CWF19L2: variants seen among roughly 807,000 people sequenced by gnomAD.
CWF19L2 encodes the protein CWF19-like protein 2.
Under a neutral mutation model 111.7 loss-of-function variants are expected in CWF19L2, and 98 were observed. The ratio of observed to expected loss-of-function variants is 0.88; its 90% CI spans 0.75 to 1.04. The LOEUF (loss-of-function observed/expected upper bound fraction) is 1.04, where lower values mean the gene tolerates loss of function less well. Among genes scored for constraint, CWF19L2 ranks in the 50% least tolerant of loss-of-function variants. The pLI, the probability that CWF19L2 is intolerant of heterozygous loss-of-function variation, is 0.00. For synonymous variants in CWF19L2, 351 were observed against 342.9 expected, an observed-to-expected ratio of 1.02 and a Z score of -0.26; for missense variants, 1,101 against 1,051.4, an observed-to-expected ratio of 1.05 and a Z score of -0.65.
At chr11:107,413,243 T>C (rs74709137) in intron 10 of CWF19L2, among the ~76,000 whole-genome samples, 545 of 152,250 alleles carry the variant, frequency 3.6e-3, no homozygotes, top group African/African-American at 0.012. Flanking sequence ...GTATGGGAAA[T>C]GTGTGTACCT....
chr11:107,360,121 T>C (rs1860302363), intron 12 of CWF19L2, among the ~76,000 whole-genome samples: 3 of 152,198 alleles, frequency 2.0e-5, no homozygotes, highest in Non-Finnish European at 2.9e-5. Flanking sequence ...CACCCCCTTA[T>C]TCTTCTGAGT....
intron 12 of CWF19L2, among the ~76,000 whole-genome samples, chr11:107,373,414 C>G (rs1399707530): frequency 7.4e-6 from 1 of 135,842 alleles, no homozygotes. Flanking sequence ...CAGCACGCAG[C>G]TGAAGATCTG....
chr11:107,367,838 A>G (rs1860454371), intron 12 of CWF19L2, among the ~76,000 whole-genome samples: 1 of 137,294 alleles, frequency 7.3e-6, no homozygotes, highest in Non-Finnish European at 1.6e-5. Context: ...ACAAAAAAAA[A>G]AGAAATGCTA....
rs923064269 is a variant in CWF19L2, at chr11:107,373,474, A to C, written c.1872+16600T>G. On this transcript the variant is annotated intron_variant, in intron 12 of 17. Coordinates refer to ENST00000282251, the MANE Select transcript of CWF19L2 (RefSeq NM_152434.3). ...GTGGGTCCCTGACCCCTGACCCCCGAGCAGCCTAACTGGGAGGCACCCCCC... is the reference window on the plus strand; with the variant it reads ...GTGGGTCCCTGACCCCTGACCCCCGCGCAGCCTAACTGGGAGGCACCCCCC... Among the ~76,000 whole-genome samples, 7 of 119,014 alleles carry C rather than the reference A, an allele frequency of 5.9e-5. 3 individuals are homozygous for C. Among genetic ancestry groups the C allele is most frequent in the Non-Finnish European group, 1.3e-4 (7 of 54,606 alleles). The allele number at this position is 119,014 out of a possible 152,430, so 78.1% of individuals were successfully genotyped here.
chr11:107,455,917 T>C (rs1231177794), intron 1 of CWF19L2, 141 bp from the exon 2 acceptor site: 17 of 563,908 alleles, frequency 3.0e-5, no homozygotes, highest in Non-Finnish European at 6.3e-6. Context: ...AGGGATTTGC[T>C]TCTCCAGTGT....
chr11:107,382,504 T>A (rs1014428270), intron 12 of CWF19L2, among the ~76,000 whole-genome samples: 3 of 152,178 alleles, frequency 2.0e-5, no homozygotes, highest in Non-Finnish European at 4.4e-5. Context: ...CCTTTCCAAA[T>A]CTAAAATTCT....
chr11:107,385,916 T>C (rs752650166), intron 12 of CWF19L2, among the ~76,000 whole-genome samples: 1 of 152,240 alleles, frequency 6.6e-6, no homozygotes, highest in Non-Finnish European at 1.5e-5. Context: ...TACTTAATAA[T>C]AGCCTGAAAC....
intron 8 of CWF19L2, among the ~76,000 whole-genome samples, chr11:107,420,871 T>C (rs549566356): frequency 1.3e-5 from 2 of 151,984 alleles, no homozygotes; most frequent in East Asian, 1.9e-4. Context: ...AGCAAAACCA[T>C]GGATAAAGGG....
chr11:107,340,317 G>C (rs1207219913), intron 14 of CWF19L2, among the ~76,000 whole-genome samples: 1 of 152,112 alleles, frequency 6.6e-6, no homozygotes, highest in Non-Finnish European at 1.5e-5. Flanking sequence ...GGAGGGCTGT[G>C]TGCCGTTTTG....
At chr11:107,418,492 A>C (rs989742148) in intron 8 of CWF19L2, among the ~76,000 whole-genome samples, 4 of 152,200 alleles carry the variant, frequency 2.6e-5, no homozygotes, top group Non-Finnish European at 4.4e-5. Flanking sequence ...CACCTATGGC[A>C]GTTATAATAA....
chr11:107,457,722 A>T lies in CWF19L2; in HGVS notation c.95T>A (p.Val32Glu). ...KEQTRNARAE[V>E]LRQAKANFEK... The stretch of plus-strand genomic sequence containing the variant: ...CCAAAACAGAGGTACCTGGCGCAAC[A>T]CCTCGGCCCTGGCATTCCGGGTCTG... Residue 32 changes from valine to glutamate, a missense_variant, in exon 1 of 18, where the codon GTG becomes GAG. Coordinates refer to ENST00000282251, the MANE Select transcript of CWF19L2 (RefSeq NM_152434.3). The T allele has an allele frequency of 1.9e-6, 3 of 1,551,234 alleles. No homozygotes were observed. The highest frequency in any genetic ancestry group is 2.6e-6 in the Non-Finnish European group (3 of 1,146,664).
At chr11:107,452,809 A>G (rs1861795855) in intron 3 of CWF19L2, among the ~76,000 whole-genome samples, 1 of 152,100 alleles carries the variant, frequency 6.6e-6, no homozygotes, top group Non-Finnish European at 1.5e-5. Flanking sequence ...TCGACAATAT[A>G]GTAAGACTCC....
Position 107,370,847 on chromosome 11 carries a change from C to G in CWF19L2, c.1873-17111G>C, listed in dbSNP as rs903534453. ...AGAATCGGGAGCATTATAACTAATT[C>G]CTGTCATCTGTGTTTTGTAATATAG... On this transcript the variant is annotated intron_variant, in intron 12 of 17. Coordinates refer to ENST00000282251, the MANE Select transcript of CWF19L2 (RefSeq NM_152434.3). 2.2e-5 allele frequency among the ~76,000 whole-genome samples: 3 copies of G among 137,634 alleles called. 1 individual carries two copies. Among genetic ancestry groups the G allele is most frequent in the African/African-American group, 8.7e-5 (3 of 34,594 alleles). The allele number at this position is 137,634 out of a possible 152,430, so 90.3% of individuals were successfully genotyped here.
chr11:107,422,906 T>C (rs2135403252), intron 8 of CWF19L2, among the ~76,000 whole-genome samples: 1 of 152,116 alleles, frequency 6.6e-6, no homozygotes, highest in Admixed American at 6.6e-5. Flanking sequence ...TCCCACATTG[T>C]TGAAAGGAAA....
chr11:107,439,047 A>AAC (rs760940491), intron 6 of CWF19L2, 43 bp downstream of exon 6: 2 of 938,008 alleles, frequency 2.1e-6, no homozygotes, highest in Admixed American at 5.2e-5. Context: ...AAAAAAAAAA[A>AAC]AAAAAAAAAC....
intron 3 of CWF19L2, among the ~76,000 whole-genome samples, chr11:107,443,307 A>G (rs1861657546): frequency 6.6e-6 from 1 of 151,846 alleles, no homozygotes; most frequent in Admixed American, 6.6e-5. Flanking sequence ...ATGGTGAAAC[A>G]CCATCTCTAC....
chr11:107,343,613 T>C (rs1477416804), intron 14 of CWF19L2, among the ~76,000 whole-genome samples: 1 of 152,138 alleles, frequency 6.6e-6, no homozygotes, highest in Non-Finnish European at 1.5e-5. Context: ...TTTTTTTTGT[T>C]TTCTGTTTGT....
intron 12 of CWF19L2, among the ~76,000 whole-genome samples, chr11:107,375,976 C>A (rs1860593431): frequency 9.8e-6 from 1 of 102,242 alleles, no homozygotes; most frequent in Non-Finnish European, 1.9e-5. Flanking sequence ...TCAGAGAATA[C>A]TACAAACACA....
intron 12 of CWF19L2, among the ~76,000 whole-genome samples, chr11:107,357,986 T>G (rs1221206467): frequency 6.6e-6 from 1 of 152,146 alleles, no homozygotes; most frequent in East Asian, 1.9e-4. Context: ...AAAAGCTGAT[T>G]ATATTATACA....
Sources: gnomAD v4.1 joint callset for allele counts (sites outside exome capture counted in the v4.1 genomes callset) on GRCh38, gnomAD v4.1.1 for gene constraint, MANE v1.5 for transcripts, NCBI Gene and HGNC (gene_info 2026-07-23, HGNC 2026-07-21) for gene names.